GRID1: variants seen among roughly 807,000 people sequenced by gnomAD.
GRID1 encodes the protein glutamate receptor ionotropic, delta-1.
Under a neutral mutation model 98.0 loss-of-function variants are expected in GRID1, and 28 were observed. That is an observed-to-expected ratio of 0.29 (90% CI 0.21 to 0.39). The LOEUF (loss-of-function observed/expected upper bound fraction) is 0.39, where lower values mean the gene tolerates loss of function less well. GRID1 is among the 10% of genes least tolerant of loss of function. The pLI, the probability that GRID1 is intolerant of heterozygous loss-of-function variation, is 1.00. For missense variants in GRID1, 1,111 were observed against 1,340.5 expected, an observed-to-expected ratio of 0.83 and a Z score of 2.67; for synonymous variants, 553 against 538.5, an observed-to-expected ratio of 1.03 and a Z score of -0.37.
At chr10:86,112,673 C>T (rs1277409439) in intron 4 of GRID1, among the ~76,000 whole-genome samples, 2 of 152,152 alleles carry the variant, frequency 1.3e-5, no homozygotes, top group Non-Finnish European at 2.9e-5. Context: ...ACCTCCTCCT[C>T]GGCTCCTAAT....
rs1841619996 is a variant in GRID1 at position 85,916,311 on chromosome 10, A to G, written c.727-72T>C. 1.8e-6 allele frequency: 2 copies of G among 1,099,752 alleles called. No homozygotes were observed. The highest frequency in any genetic ancestry group is 1.5e-5 in the African/African-American group (1 of 65,390). 68.1% of individuals were successfully genotyped at this position (1,099,752 alleles called of 1,614,324 possible). ...TGGCAGACACAGGATGATTGCCGAG[A>G]CAGAGTTTTATAAACATTGTTCTTG... On this transcript the variant is annotated intron_variant, in intron 4 of 15. Coordinates refer to ENST00000327946, the MANE Select transcript of GRID1 (RefSeq NM_017551.3). This position sits in a 1 kb window ranked among gnomAD's most constrained non-coding sequence, Gnocchi z 4.0.
At chr10:85,959,608 T>C (rs1197384423) in intron 4 of GRID1, among the ~76,000 whole-genome samples, 1 of 147,264 alleles carries the variant, frequency 6.8e-6, no homozygotes, top group African/African-American at 2.5e-5. Context: ...CAGGGTTTCA[T>C]AGACATAAAA....
At chr10:85,939,903 T>C (rs1046689276) in intron 4 of GRID1, among the ~76,000 whole-genome samples, 4 of 151,800 alleles carry the variant, frequency 2.6e-5, no homozygotes, top group African/African-American at 4.8e-5. Flanking sequence ...CCATCTCTAC[T>C]AAAAATACAA....
chr10:85,637,568 A>G (rs1326829346), intron 13 of GRID1, among the ~76,000 whole-genome samples: 1 of 152,250 alleles, frequency 6.6e-6, no homozygotes, highest in Non-Finnish European at 1.5e-5. Context: ...CACATTTAGT[A>G]GAAATAAACT....
intron 2 of GRID1, among the ~76,000 whole-genome samples, chr10:86,330,127 A>G (rs1377550549): frequency 6.6e-6 from 1 of 152,038 alleles, no homozygotes; most frequent in East Asian, 1.9e-4. Context: ...CCCCCAGGGC[A>G]GGAGCGCATC....
chr10:85,779,623 T>C (rs1260269502), intron 8 of GRID1, among the ~76,000 whole-genome samples: 1 of 152,022 alleles, frequency 6.6e-6, no homozygotes, highest in Admixed American at 6.5e-5. Context: ...ACCAGAAAGA[T>C]TGGACAGCAT....
At chr10:85,812,850 T>C (rs973294693) in intron 8 of GRID1, among the ~76,000 whole-genome samples, 2 of 151,426 alleles carry the variant, frequency 1.3e-5, no homozygotes, top group African/African-American at 4.9e-5. Flanking sequence ...TATCTGTGTG[T>C]ATATTATATA....
At chr10:86,077,828 C>T (rs1228722865) in intron 4 of GRID1, among the ~76,000 whole-genome samples, 1 of 152,156 alleles carries the variant, frequency 6.6e-6, no homozygotes, top group African/African-American at 2.4e-5. Flanking sequence ...CAACCTCAGC[C>T]CCACACACAG....
chr10:86,188,986 G>A (rs1845764258), intron 3 of GRID1, among the ~76,000 whole-genome samples: 1 of 151,956 alleles, frequency 6.6e-6, no homozygotes, highest in South Asian at 2.1e-4. Context: ...CAGGCCCAGG[G>A]CTCTCCTGAT....
chr10:86,125,822 T>C (rs1844744231), intron 4 of GRID1, among the ~76,000 whole-genome samples: 1 of 152,200 alleles, frequency 6.6e-6, no homozygotes, highest in South Asian at 2.1e-4. Context: ...GTAGTAAATA[T>C]ATTTTCTCTT....
Position 86,279,229 on chromosome 10 carries a change from T to C in GRID1, c.236-72581A>G, listed in dbSNP as rs1393572570. On this transcript the variant is annotated intron_variant, in intron 2 of 15. Coordinates refer to ENST00000327946, the MANE Select transcript of GRID1 (RefSeq NM_017551.3). ...CTCAGAAGAGGGCCCTCATCAGTGC[T>C]GGACCATATTGGTATCCCCCTCAGA... 2.0e-5 allele frequency among the ~76,000 whole-genome samples: 3 copies of C among 152,208 alleles called. No homozygotes were observed. The East Asian group carries it at 5.8e-4, about 29-fold the overall frequency.
chr10:86,284,457 G>A (rs1847400755), intron 2 of GRID1, among the ~76,000 whole-genome samples: 1 of 152,206 alleles, frequency 6.6e-6, no homozygotes, highest in Non-Finnish European at 1.5e-5. Flanking sequence ...GACTACAAAT[G>A]CTCCTCTGTG....
chr10:85,902,851 C>A (rs1841408485), intron 5 of GRID1, among the ~76,000 whole-genome samples: 1 of 152,092 alleles, frequency 6.6e-6, no homozygotes, highest in Non-Finnish European at 1.5e-5. Context: ...CATCATTGAC[C>A]TCTCCTTCCC....
At chr10:86,270,476 G>A (rs988841203) in intron 2 of GRID1, among the ~76,000 whole-genome samples, 10 of 152,166 alleles carry the variant, frequency 6.6e-5, no homozygotes, top group Admixed American at 5.2e-4. Context: ...GATCACTTGA[G>A]GTCAGCAGTT....
At chr10:85,659,242 C>T (rs1242576112) in intron 12 of GRID1, among the ~76,000 whole-genome samples, 1 of 152,212 alleles carries the variant, frequency 6.6e-6, no homozygotes. Context: ...AGAGTGTATA[C>T]TCAAGGGCCC....
chr10:86,300,476 AAGGG>A (rs1248032588), intron 2 of GRID1, among the ~76,000 whole-genome samples: 11 of 106,648 alleles, frequency 1.0e-4, no homozygotes, highest in African/African-American at 3.6e-4. Flanking sequence ...GGGAGGGAGG[AAGGG>A]AGGGAGGGAG....
chr10:85,878,689 A>C (rs1329039505), intron 5 of GRID1, among the ~76,000 whole-genome samples: 1 of 152,238 alleles, frequency 6.6e-6, no homozygotes, highest in Non-Finnish European at 1.5e-5. Context: ...AAGACCATCA[A>C]GGCTAGGAAT....
At chr10:86,196,561 C>A (rs1044951464) in intron 3 of GRID1, among the ~76,000 whole-genome samples, 4 of 152,226 alleles carry the variant, frequency 2.6e-5, no homozygotes, top group South Asian at 2.1e-4. Context: ...AGGAAGAGAA[C>A]TAAGTCTTCC....
At chr10:86,073,225 C>G (rs557252533) in intron 4 of GRID1, among the ~76,000 whole-genome samples, 1 of 152,304 alleles carries the variant, frequency 6.6e-6, no homozygotes, top group African/African-American at 2.4e-5. Context: ...CAGACGAATC[C>G]ATACTCATCA....
Sources: gnomAD v4.1 joint callset for allele counts (sites outside exome capture counted in the v4.1 genomes callset) on GRCh38, gnomAD v4.1.1 for gene constraint, Gnocchi (gnomAD v3.1) non-coding constraint, MANE v1.5 for transcripts, NCBI Gene and HGNC (gene_info 2026-07-23, HGNC 2026-07-21) for gene names.